The following NECTIN3 variants were observed in gnomAD, a reference collection of about 807,000 sequenced individuals.
The protein encoded by NECTIN3 is nectin-3.
A neutral mutation model predicts 49.4 loss-of-function variants in NECTIN3; 8 were observed. The ratio of observed to expected loss-of-function variants is 0.16; its 90% CI spans 0.10 to 0.29. The LOEUF is 0.29. NECTIN3 is among the 10% of genes least tolerant of loss of function. The pLI is 1.00. For synonymous variants in NECTIN3, 277 were observed against 241.1 expected (o/e 1.15, Z -1.38); for missense variants, 581 against 654.6 (o/e 0.89, Z 1.23).
chr3:111,191,820 T>C (rs2035817887), upstream of NECTIN3, among the ~76,000 whole-genome samples: 1 of 152,052 alleles, frequency 6.6e-6, no homozygotes, highest in African/African-American at 2.4e-5. Flanking sequence ...CTGCAGCAGA[T>C]GTTGTCTATA....
intron 1 of NECTIN3, among the ~76,000 whole-genome samples, chr3:111,079,972 G>T (rs895320033): frequency 6.6e-6 from 1 of 151,884 alleles, no homozygotes; most frequent in East Asian, 1.9e-4. Context: ...TTTTCAAGGT[G>T]TTGCATTGTT....
intron 7 of NECTIN3, among the ~76,000 whole-genome samples, chr3:111,149,780 C>G (rs1330203294): frequency 6.6e-6 from 1 of 151,018 alleles, no homozygotes; most frequent in African/African-American, 2.4e-5. Context: ...CCTTTTTATC[C>G]CTTGCATATT....
At chr3:111,083,104 A>T (rs1234485973) in intron 1 of NECTIN3, among the ~76,000 whole-genome samples, 2 of 151,764 alleles carry the variant, frequency 1.3e-5, no homozygotes, top group Non-Finnish European at 1.5e-5. Flanking sequence ...CTTGCCCACC[A>T]CTCACTTTCT....
At chr3:111,138,948 G>C (rs2034671586), downstream of NECTIN3, among the ~76,000 whole-genome samples, 2 of 151,346 alleles carry the variant, frequency 1.3e-5, no homozygotes, top group African/African-American at 4.8e-5. Flanking sequence ...CTAGGTGACT[G>C]GGCCTTTCTT....
chr3:111,173,058 A>G (rs2035463161), intron 7 of NECTIN3, among the ~76,000 whole-genome samples: 1 of 152,214 alleles, frequency 6.6e-6, no homozygotes, highest in Non-Finnish European at 1.5e-5. Context: ...AAAAGTAAAC[A>G]ACTGTGCCTT....
intron 7 of NECTIN3, among the ~76,000 whole-genome samples, chr3:111,186,050 A>C (rs890309093): frequency 5.3e-5 from 8 of 152,168 alleles, no homozygotes; most frequent in African/African-American, 1.9e-4. Context: ...TACGTTCTTC[A>C]TATACTCTGT....
intron 7 of NECTIN3, among the ~76,000 whole-genome samples, chr3:111,162,613 G>A (rs549084911): frequency 6.6e-6 from 1 of 152,126 alleles, no homozygotes; most frequent in Admixed American, 6.6e-5. Context: ...CAATCAAACT[G>A]CCTAGAAGTC....
intron 1 of NECTIN3, chr3:111,193,612 A>G (rs2035854868): frequency 1.9e-6 from 1 of 520,972 alleles, no homozygotes; most frequent in Non-Finnish European, 3.4e-6. Flanking sequence ...TGTTTCTGTG[A>G]TGATGGTATT....
rs536988285 is a variant in NECTIN3, at chr3:111,114,764, A to G, written c.502+2393A>G. ...AATGATATGCAGTTCACCCTTGAACATCATGGGTTAGAGCTGTGTGGGTCC... is the reference window on the plus strand; with the variant it reads ...AATGATATGCAGTTCACCCTTGAACGTCATGGGTTAGAGCTGTGTGGGTCC... On this transcript the variant is annotated intron_variant, in intron 2 of 5. Transcript: ENST00000485303. Among the ~76,000 whole-genome samples, 14 of 152,338 alleles carry G rather than the reference A, an allele frequency of 9.2e-5. No individual in the cohort carries two copies. The South Asian group carries it at 2.9e-3, about 32-fold the overall frequency.
At chr3:111,133,357 C>A (rs1393802095) in intron 5 of NECTIN3, among the ~76,000 whole-genome samples, 3 of 151,896 alleles carry the variant, frequency 2.0e-5, no homozygotes, top group African/African-American at 7.3e-5. Context: ...AGTACAATAT[C>A]ACTCATAAAC....
chr3:111,117,026 C>G (rs555549633), intron 2 of NECTIN3, among the ~76,000 whole-genome samples: 1 of 152,108 alleles, frequency 6.6e-6, no homozygotes, highest in African/African-American at 2.4e-5. Flanking sequence ...GGAAATGTTT[C>G]TTGTAAAATT....
intron 1 of NECTIN3, among the ~76,000 whole-genome samples, chr3:111,085,700 ATTTTTT>A (rs139730502): frequency 7.0e-6 from 1 of 142,636 alleles, no homozygotes; most frequent in African/African-American, 2.6e-5. Flanking sequence ...ATGTAGCAGT[ATTTTTT>A]TTTTTTTTAC....
At chr3:111,090,049 T>G (rs1387784586) in intron 1 of NECTIN3, among the ~76,000 whole-genome samples, 1 of 152,190 alleles carries the variant, frequency 6.6e-6, no homozygotes, top group East Asian at 1.9e-4. Flanking sequence ...TGTCTAGTTT[T>G]CATATAGCTA....
intron 1 of NECTIN3, among the ~76,000 whole-genome samples, chr3:111,102,828 G>A (rs1479137114): frequency 6.6e-6 from 1 of 152,124 alleles, no homozygotes; most frequent in Non-Finnish European, 1.5e-5. Context: ...TTTTGTGAAA[G>A]ATATAAAATC....
intron 1 of NECTIN3, among the ~76,000 whole-genome samples, chr3:111,104,286 T>C (rs1335457366): frequency 6.6e-6 from 1 of 151,876 alleles, no homozygotes; most frequent in Non-Finnish European, 1.5e-5. Flanking sequence ...TGCTTGTTAA[T>C]GTATCTTTGG....
chr3:111,102,101 A>G (rs2032936787), intron 1 of NECTIN3, among the ~76,000 whole-genome samples: 1 of 152,172 alleles, frequency 6.6e-6, no homozygotes, highest in South Asian at 2.1e-4. Flanking sequence ...GGTCCATCAT[A>G]TGGAAAATAA....
intron 7 of NECTIN3, among the ~76,000 whole-genome samples, chr3:111,172,663 G>A (rs764421387): frequency 6.6e-6 from 1 of 152,272 alleles, no homozygotes; most frequent in East Asian, 1.9e-4. Flanking sequence ...TCTTAATGGT[G>A]ACATAATACT....
intron 7 of NECTIN3, among the ~76,000 whole-genome samples, chr3:111,158,029 A>G (rs1250017234): frequency 1.5e-4 from 23 of 152,092 alleles, no homozygotes; most frequent in Admixed American, 1.5e-3. Flanking sequence ...TTGAATTTAA[A>G]AAACAGTAAA....
chr3:111,072,483 C>T, intron 1 of NECTIN3: 3 of 1,535,926 alleles, frequency 2.0e-6, no homozygotes, highest in Non-Finnish European at 2.6e-6. Flanking sequence ...GGGACCGTTA[C>T]TTCCTCGCTC....
Sources: allele counts gnomAD v4.1 joint callset (sites outside exome capture counted in the v4.1 genomes callset), GRCh38; gene constraint gnomAD v4.1.1; transcripts MANE v1.5; gene names NCBI Gene and HGNC (gene_info 2026-07-23, HGNC 2026-07-21).